The following RASSF9 variants were observed in gnomAD, a reference collection of about 807,000 sequenced individuals.
The protein encoded by RASSF9 is Ras association domain family member 9.
RASSF9 carries 18 observed loss-of-function variants against 21.4 expected under a neutral mutation model. The observed-to-expected ratio is 0.84, with a 90% confidence interval of 0.58 to 1.25. RASSF9 has a LOEUF of 1.25. Among genes scored for constraint, RASSF9 ranks in the 50% most tolerant of loss-of-function variants. The probability of loss-of-function intolerance (pLI) is 0.00; values close to 1 mark genes in which losing one functional copy is unlikely to be tolerated. For synonymous variants in RASSF9, 183 were observed against 179.1 expected, an observed-to-expected ratio of 1.02 and a Z score of -0.18; for missense variants, 480 against 503.2, an observed-to-expected ratio of 0.95 and a Z score of 0.44.
chr12:85,807,140 TAGG>T (rs1879853471), intron 1 of RASSF9, among the ~76,000 whole-genome samples: 1 of 152,118 alleles, frequency 6.6e-6, no homozygotes, highest in African/African-American at 2.4e-5. Flanking sequence ...GACATTTGAA[TAGG>T]GATATCCATT....
intron 1 of RASSF9, 49 bp downstream of exon 1, chr12:85,836,106 C>T (rs1163643738): frequency 6.5e-7 from 1 of 1,546,086 alleles, no homozygotes; most frequent in Non-Finnish European, 8.7e-7. Context: ...ACACAAGACA[C>T]ACACACACAC....
chr12:85,832,865 C>T (rs974053477), intron 1 of RASSF9, among the ~76,000 whole-genome samples: 4 of 151,830 alleles, frequency 2.6e-5, no homozygotes, highest in Admixed American at 2.6e-4. Context: ...TCTCTTAAAA[C>T]CGAAGTCTTC....
At chr12:85,828,472 A>AAT (rs1342442339) in intron 1 of RASSF9, among the ~76,000 whole-genome samples, 1 of 152,062 alleles carries the variant, frequency 6.6e-6, no homozygotes, top group Non-Finnish European at 1.5e-5. Flanking sequence ...GTATCACATA[A>AAT]ATATATATAT....
At position 85,805,779 on chromosome 12, in the gene RASSF9, G is replaced by C. The variant is rs1473804465; in HGVS notation, c.231C>G (p.Tyr77Ter). ...AGCCTCTCCACTTCTCTATGATGCA[G>C]TAATCACTGGGCTTCCCCAGAAGAA... ...KRFLLGKPSDYCIIEKWRGSE... is the reference protein window; with the variant it reads ...KRFLLGKPSD Residue 77 changes from tyrosine (Y) to a stop codon, truncating the protein, a stop_gained, in exon 2 of 2, where the codon TAC (tyrosine) becomes TAG (stop). Coordinates refer to ENST00000361228, the MANE Select transcript of RASSF9 (RefSeq NM_005447.4). LOFTEE classifies it high-confidence loss of function. 6.2e-7 allele frequency: 1 copy of C among 1,613,864 alleles called. No homozygotes were observed. Among genetic ancestry groups the C allele is most frequent in the Non-Finnish European group, 8.5e-7 (1 of 1,179,886 alleles).
chr12:85,813,490 T>C (rs1240764639), intron 1 of RASSF9, among the ~76,000 whole-genome samples: 1 of 151,952 alleles, frequency 6.6e-6, no homozygotes, highest in Non-Finnish European at 1.5e-5. Context: ...TTGTCTATGA[T>C]ATTGTAACAT....
chr12:85,820,421 T>G (rs1277200097), intron 1 of RASSF9, among the ~76,000 whole-genome samples: 1 of 152,338 alleles, frequency 6.6e-6, no homozygotes, highest in African/African-American at 2.4e-5. Flanking sequence ...GCATTTAATA[T>G]GATGTTGTTA....
At chr12:85,823,454 C>T (rs1196507400) in intron 1 of RASSF9, among the ~76,000 whole-genome samples, 1 of 152,158 alleles carries the variant, frequency 6.6e-6, no homozygotes, top group Non-Finnish European at 1.5e-5. Flanking sequence ...CCAGATCCCA[C>T]ATGCACCTTG....
intron 1 of RASSF9, among the ~76,000 whole-genome samples, chr12:85,823,195 G>A (rs1402516861): frequency 2.6e-4 from 33 of 125,956 alleles, no homozygotes; most frequent in African/African-American, 9.5e-4. Flanking sequence ...GCAAAACTCC[G>A]TCTCAAAAAA....
intron 1 of RASSF9, among the ~76,000 whole-genome samples, chr12:85,813,549 G>A (rs1879997164): frequency 6.6e-6 from 1 of 151,800 alleles, no homozygotes; most frequent in African/African-American, 2.4e-5. Flanking sequence ...AGAATTTAGT[G>A]TGGAGGTAGA....
Position 85,804,595 on chromosome 12 carries a change from C to A in RASSF9, c.*107G>T. 1 of 1,172,012 alleles carries A rather than the reference C, an allele frequency of 8.5e-7. No individual in the cohort carries two copies. Among genetic ancestry groups the A allele is most frequent in the Non-Finnish European group, 1.2e-6 (1 of 855,644 alleles). 72.6% of individuals were successfully genotyped at this position (1,172,012 alleles called of 1,614,324 possible). On this transcript the variant is annotated 3_prime_UTR_variant, in exon 2 of 2. Transcript: ENST00000361228. ...TCGAGTTTTTATTAACTATTGAATA[C>A]TACAATATGATTTACATTTTTTTGA...
rs563118187 is a variant in RASSF9, at chr12:85,827,730, A to G, written c.47+8425T>C. ...TTCAACCTGGCTAAAACAGTCTTCTACCACAAGCCTGACATGCCTGATTTC... is the reference window on the plus strand; with the variant it reads ...TTCAACCTGGCTAAAACAGTCTTCTGCCACAAGCCTGACATGCCTGATTTC... On this transcript the variant is annotated intron_variant, in intron 1 of 1. Transcript: ENST00000361228. 7.2e-5 allele frequency among the ~76,000 whole-genome samples: 11 copies of G among 152,306 alleles called. No homozygotes were observed. In the South Asian group the frequency reaches 2.1e-3, roughly 29 times the overall value.
At chr12:85,807,509 A>G (rs1419714705) in intron 1 of RASSF9, among the ~76,000 whole-genome samples, 2 of 152,014 alleles carry the variant, frequency 1.3e-5, no homozygotes, top group Non-Finnish European at 2.9e-5. Context: ...AAAAAAATAG[A>G]AGCAAGAAGC....
intron 1 of RASSF9, among the ~76,000 whole-genome samples, chr12:85,833,535 C>T (rs1401480019): frequency 6.6e-6 from 1 of 151,884 alleles, no homozygotes; most frequent in Non-Finnish European, 1.5e-5. Context: ...ATAGTACTAT[C>T]TCATGAGGTT....
In RASSF9 at chr12:85,805,702, C is replaced by T. The variant is rs1192284204; in HGVS notation, c.308G>A (p.Trp103Ter). The change falls in exon 2 of 2, where the codon TGG (tryptophan) becomes TAG (stop). Residue 103 changes from tryptophan (W) to a stop codon, truncating the protein, a stop_gained. Coordinates refer to ENST00000361228, the MANE Select transcript of RASSF9 (RefSeq NM_005447.4). LOFTEE classifies it high-confidence loss of function. ...TTGCATATTGGGCTGCTCATCTCCC[C>T]ACGCTTTCCAAAGCTTCAGGATTCT... ...LTRILKLWKA[W>*]GDEQPNMQFV... The T allele has an allele frequency of 1.9e-6, 3 of 1,613,990 alleles. No individual in the cohort carries two copies.
chr12:85,820,874 G>A (rs775452011), intron 1 of RASSF9, among the ~76,000 whole-genome samples: 4 of 152,070 alleles, frequency 2.6e-5, no homozygotes, highest in Admixed American at 1.3e-4. Flanking sequence ...GGCCGGGCGC[G>A]GTGGCTCATG....
At chr12:85,829,873 A>G (rs1033557285) in intron 1 of RASSF9, among the ~76,000 whole-genome samples, 8 of 152,110 alleles carry the variant, frequency 5.3e-5, no homozygotes, top group African/African-American at 1.9e-4. Context: ...ACCCTGTCAA[A>G]GATAGTTTTC....
At chr12:85,807,782 A>T (rs1419457169) in intron 1 of RASSF9, among the ~76,000 whole-genome samples, 1 of 152,202 alleles carries the variant, frequency 6.6e-6, no homozygotes, top group African/African-American at 2.4e-5. Flanking sequence ...TAGTAAAAGA[A>T]GCAAAAATTC....
chr12:85,827,486 ATAAGATTC>A (rs1016663106), intron 1 of RASSF9, among the ~76,000 whole-genome samples: 1 of 152,160 alleles, frequency 6.6e-6, no homozygotes, highest in African/African-American at 2.4e-5. Context: ...AAAAATGTAA[ATAAGATTC>A]TATAATTCCC....
At chr12:85,820,805 A>G (rs995783296) in intron 1 of RASSF9, among the ~76,000 whole-genome samples, 5 of 152,180 alleles carry the variant, frequency 3.3e-5, no homozygotes, top group Non-Finnish European at 7.3e-5. Context: ...ATTTATTTCT[A>G]GTAAGTTTCA....
Sources: allele counts gnomAD v4.1 joint callset (sites outside exome capture counted in the v4.1 genomes callset), GRCh38; gene constraint gnomAD v4.1.1; transcripts MANE v1.5; gene names NCBI Gene and HGNC (gene_info 2026-07-23, HGNC 2026-07-21).